The following CA10 variants were observed in gnomAD, a reference collection of about 807,000 sequenced individuals.
CA10 encodes carbonic anhydrase-related protein 10.
A neutral mutation model predicts 44.2 loss-of-function variants in CA10; 14 were observed. The ratio of observed to expected loss-of-function variants is 0.32; its 90% CI spans 0.21 to 0.50. The LOEUF is 0.50. CA10 is among the 20% of genes least tolerant of loss of function. The pLI, the probability that CA10 is intolerant of heterozygous loss-of-function variation, is 0.99. For synonymous variants in CA10, 159 were observed against 141.6 expected, an observed-to-expected ratio of 1.12 and a Z score of -0.87; for missense variants, 350 against 409.7, an observed-to-expected ratio of 0.85 and a Z score of 1.26.
intron 3 of CA10, among the ~76,000 whole-genome samples, chr17:51,759,396 A>G (rs1905158588): frequency 6.8e-6 from 1 of 147,758 alleles, no homozygotes; most frequent in South Asian, 2.1e-4. Context: ...GTGTGCTTAA[A>G]ATATATTTTA....
At chr17:51,837,695 T>C (rs1400953069) in intron 3 of CA10, among the ~76,000 whole-genome samples, 1 of 152,206 alleles carries the variant, frequency 6.6e-6, no homozygotes, top group Non-Finnish European at 1.5e-5. Flanking sequence ...ATGTAAAATA[T>C]TTTATATATG....
chr17:51,738,931 C>T (rs1306178017), intron 4 of CA10, among the ~76,000 whole-genome samples: 1 of 152,122 alleles, frequency 6.6e-6, no homozygotes, highest in Non-Finnish European at 1.5e-5. Flanking sequence ...TCTCTGTGAC[C>T]TTGGGCAGGT....
chr17:51,780,015 A>G (rs1368185690), intron 3 of CA10, among the ~76,000 whole-genome samples: 2 of 152,210 alleles, frequency 1.3e-5, no homozygotes, highest in Admixed American at 6.5e-5. Flanking sequence ...TCTAACACAC[A>G]TAAAACAGGA....
intron 2 of CA10, among the ~76,000 whole-genome samples, chr17:52,018,656 A>G (rs1049871055): frequency 6.6e-6 from 1 of 152,156 alleles, no homozygotes; most frequent in African/African-American, 2.4e-5. Context: ...CTTGAGTGTC[A>G]GATGAGACTT....
At chr17:51,734,548 A>G (rs1204181517) in intron 4 of CA10, among the ~76,000 whole-genome samples, 1 of 152,210 alleles carries the variant, frequency 6.6e-6, no homozygotes, top group African/African-American at 2.4e-5. Flanking sequence ...GCAGGTGATC[A>G]TCCTATTTAG....
At chr17:52,023,249 T>C (rs1986197207) in intron 2 of CA10, among the ~76,000 whole-genome samples, 1 of 151,946 alleles carries the variant, frequency 6.6e-6, no homozygotes, top group African/African-American at 2.4e-5. Flanking sequence ...GGTACCAGTA[T>C]AAAAACAGGC....
intron 3 of CA10, among the ~76,000 whole-genome samples, chr17:51,895,662 C>G (rs534982552): frequency 6.6e-6 from 1 of 152,062 alleles, no homozygotes; most frequent in South Asian, 2.1e-4. Flanking sequence ...AATTAACAAT[C>G]TGGAACCAAA....
chr17:51,837,592 C>G (rs1598072984), intron 3 of CA10, among the ~76,000 whole-genome samples: 1 of 152,208 alleles, frequency 6.6e-6, no homozygotes, highest in African/African-American at 2.4e-5. Context: ...AAGCATTTGT[C>G]TTTCCCACTA....
rs532465427 is a variant in CA10 at position 51,675,742 on chromosome 17, C to T, written c.466-22006G>A. On this transcript the variant is annotated intron_variant, in intron 4 of 8. Transcript: ENST00000451037. ...AAAAAAAAAACAAAAACAAAAAACA[C>T]ACAACAACTCCCAATTCTCTCAATC... is the stretch of plus-strand genomic sequence containing the variant. Among the ~76,000 whole-genome samples the T allele has an allele frequency of 2.6e-5, 4 of 151,858 alleles. No individual in the cohort carries two copies. The South Asian group carries it at 8.4e-4, about 32-fold the overall frequency.
At chr17:51,743,069 A>G (rs1904526847) in intron 4 of CA10, among the ~76,000 whole-genome samples, 1 of 152,246 alleles carries the variant, frequency 6.6e-6, no homozygotes, top group Non-Finnish European at 1.5e-5. Flanking sequence ...GCAGAAGCAC[A>G]AGAGCATGTG....
At chr17:51,792,584 C>G (rs1906561085) in intron 3 of CA10, among the ~76,000 whole-genome samples, 1 of 152,156 alleles carries the variant, frequency 6.6e-6, no homozygotes, top group Non-Finnish European at 1.5e-5. Context: ...ATCATCCTAG[C>G]ATGCTGTTAA....
At chr17:52,113,721 C>T (rs1287403858) in intron 1 of CA10, among the ~76,000 whole-genome samples, 1 of 152,162 alleles carries the variant, frequency 6.6e-6, no homozygotes, top group Non-Finnish European at 1.5e-5. Context: ...CTTCCTCTTA[C>T]TGAAGGAAGA....
intron 3 of CA10, among the ~76,000 whole-genome samples, chr17:51,854,853 G>T (rs116968347): frequency 0.014 from 2,169 of 152,256 alleles, 30 homozygotes; most frequent in Non-Finnish European, 0.02. Context: ...TTGGGTCTGG[G>T]TCCCAGTGCT....
intron 2 of CA10, among the ~76,000 whole-genome samples, chr17:51,946,707 T>A (rs1183837025): frequency 6.6e-6 from 1 of 152,204 alleles, no homozygotes; most frequent in Non-Finnish European, 1.5e-5. Flanking sequence ...TTACATTAAG[T>A]GATACTTTCT....
At chr17:52,002,577 A>G (rs1275723573) in intron 2 of CA10, among the ~76,000 whole-genome samples, 1 of 151,454 alleles carries the variant, frequency 6.6e-6, no homozygotes, top group Non-Finnish European at 1.5e-5. Context: ...ACAAAAATAA[A>G]TAATGAGCAT....
chr17:51,777,648 T>C (rs1023405303), intron 3 of CA10, among the ~76,000 whole-genome samples: 10 of 152,170 alleles, frequency 6.6e-5, no homozygotes, highest in Non-Finnish European at 1.0e-4. Context: ...AAATTGCAGA[T>C]ATTAATATTT....
At chr17:51,957,874 A>C (rs1437111837) in intron 2 of CA10, among the ~76,000 whole-genome samples, 6 of 151,948 alleles carry the variant, frequency 3.9e-5, no homozygotes, top group African/African-American at 1.5e-4. Context: ...GCTAATTTTA[A>C]GCATTGTCTT....
chr17:52,114,351 C>A (rs1988846561), intron 1 of CA10, among the ~76,000 whole-genome samples: 1 of 152,172 alleles, frequency 6.6e-6, no homozygotes, highest in South Asian at 2.1e-4. Context: ...GAATGTGACT[C>A]CCAAACTAAA....
At chr17:51,924,137 G>T (rs1339685462) in intron 3 of CA10, among the ~76,000 whole-genome samples, 1 of 152,162 alleles carries the variant, frequency 6.6e-6, no homozygotes, top group African/African-American at 2.4e-5. Context: ...TAGCTAAAGA[G>T]ATCAAGAGGA....
Sources: gnomAD v4.1 joint callset for allele counts (sites outside exome capture counted in the v4.1 genomes callset) on GRCh38, gnomAD v4.1.1 for gene constraint, MANE v1.5 for transcripts, NCBI Gene and HGNC (gene_info 2026-07-23, HGNC 2026-07-21) for gene names.